Variants in NXPH1 observed in about 807,000 individuals in gnomAD.
NXPH1 encodes the protein neurexophilin 1, also known as neurexophilin-1.
Under a neutral mutation model 23.7 loss-of-function variants are expected in NXPH1, and 5 were observed. The ratio of observed to expected loss-of-function variants is 0.21; its 90% CI spans 0.11 to 0.44. The LOEUF (loss-of-function observed/expected upper bound fraction) is 0.44, where lower values mean the gene tolerates loss of function less well. Among genes scored for constraint, NXPH1 ranks in the 20% least tolerant of loss-of-function variants. The pLI is 0.99. For synonymous variants in NXPH1, 144 were observed against 122.2 expected (o/e 1.18, Z -1.18); for missense variants, 324 against 321.6 (o/e 1.01, Z -0.06).
chr7:8,737,187 T>G (rs1171833824), intron 2 of NXPH1, among the ~76,000 whole-genome samples: 1 of 152,180 alleles, frequency 6.6e-6, no homozygotes, highest in East Asian at 1.9e-4. Context: ...TGCTAGCTGG[T>G]TATTTTGCCT....
intron 2 of NXPH1, among the ~76,000 whole-genome samples, chr7:8,623,197 C>T (rs1819910351): frequency 6.6e-6 from 1 of 152,088 alleles, no homozygotes; most frequent in East Asian, 1.9e-4. Flanking sequence ...GTGCAGGGCT[C>T]TGCAGGTGCA....
At chr7:8,556,861 G>C (rs1400754600) in intron 2 of NXPH1, among the ~76,000 whole-genome samples, 1 of 151,524 alleles carries the variant, frequency 6.6e-6, no homozygotes, top group Non-Finnish European at 1.5e-5. Context: ...TGGGCTAAAG[G>C]GCTTATACAT....
rs74692006 is a variant in NXPH1, at chr7:8,442,577, T to C, written c.54+6810T>C. On this transcript the variant is annotated intron_variant, in intron 2 of 2. Transcript: ENST00000405863. This position sits in a 1 kb window ranked among gnomAD's most constrained non-coding sequence, Gnocchi z 4.6. ...TTTAAAAGGCCATTTTCCTTCGTCT[T>C]CTACAAGAAGCAAGAAACTTTTTTC... 0.011 allele frequency among the ~76,000 whole-genome samples: 1,722 copies of C among 152,348 alleles called. 28 individuals are homozygous for C. The highest frequency in any genetic ancestry group is 0.039 in the African/African-American group (1,618 of 41,576).
intron 2 of NXPH1, among the ~76,000 whole-genome samples, chr7:8,615,046 C>G (rs552986557): frequency 6.6e-6 from 1 of 152,022 alleles, no homozygotes; most frequent in Admixed American, 6.6e-5. Context: ...TAATTCTCAT[C>G]TCTTCTTTCT....
At chr7:8,728,521 T>C (rs1036028762) in intron 2 of NXPH1, among the ~76,000 whole-genome samples, 2 of 152,162 alleles carry the variant, frequency 1.3e-5, no homozygotes, top group African/African-American at 4.8e-5. Flanking sequence ...CCATCCATAC[T>C]TAATTTATTG....
At chr7:8,739,828 C>T (rs1292849815) in intron 2 of NXPH1, among the ~76,000 whole-genome samples, 1 of 152,082 alleles carries the variant, frequency 6.6e-6, no homozygotes, top group Non-Finnish European at 1.5e-5. Context: ...GCTTTTTAAA[C>T]ATTTTTAAAA....
At chr7:8,584,169 A>G (rs1818934360) in intron 2 of NXPH1, among the ~76,000 whole-genome samples, 1 of 152,198 alleles carries the variant, frequency 6.6e-6, no homozygotes, top group Non-Finnish European at 1.5e-5. Flanking sequence ...TGAGGCATGG[A>G]GAGGTGAAAC....
At chr7:8,672,947 T>C (rs1304738519) in intron 2 of NXPH1, among the ~76,000 whole-genome samples, 1 of 152,172 alleles carries the variant, frequency 6.6e-6, no homozygotes, top group African/African-American at 2.4e-5. Context: ...GAGGCAGACC[T>C]GGATTGGAAT....
At chr7:8,624,101 G>A (rs188682922) in intron 2 of NXPH1, among the ~76,000 whole-genome samples, 17 of 152,298 alleles carry the variant, frequency 1.1e-4, no homozygotes, top group Non-Finnish European at 2.2e-4. Flanking sequence ...AGCAGTGTGA[G>A]TGGAAAGGAG....
chr7:8,549,894 G>T (rs1818252371), intron 2 of NXPH1, among the ~76,000 whole-genome samples: 1 of 151,486 alleles, frequency 6.6e-6, no homozygotes, highest in African/African-American at 2.4e-5. Context: ...AACTACCATT[G>T]TTTCTCAAAT....
At chr7:8,723,996 A>C (rs554995688) in intron 2 of NXPH1, among the ~76,000 whole-genome samples, 1 of 152,356 alleles carries the variant, frequency 6.6e-6, no homozygotes, top group East Asian at 1.9e-4. Flanking sequence ...TAAGTTAATA[A>C]ATAATCAAAT....
chr7:8,627,444 C>A (rs1455449253), intron 2 of NXPH1, among the ~76,000 whole-genome samples: 1 of 152,126 alleles, frequency 6.6e-6, no homozygotes, highest in East Asian at 1.9e-4. Flanking sequence ...AAAGAAAAGA[C>A]TTCCAAGCCT....
chr7:8,743,750 C>T (rs1167498107), intron 2 of NXPH1, among the ~76,000 whole-genome samples: 2 of 148,766 alleles, frequency 1.3e-5, no homozygotes, highest in African/African-American at 5.0e-5. Flanking sequence ...GTGGCGTGAT[C>T]TTGGTTCACT....
chr7:8,579,368 T>G (rs1401568122), intron 2 of NXPH1, among the ~76,000 whole-genome samples: 2 of 124,258 alleles, frequency 1.6e-5, no homozygotes, highest in African/African-American at 8.6e-5. Context: ...TTTTTGTTTT[T>G]TTTTTTTGTT....
intron 2 of NXPH1, among the ~76,000 whole-genome samples, chr7:8,480,811 A>G (rs1009765132): frequency 2.0e-5 from 3 of 152,182 alleles, no homozygotes; most frequent in Non-Finnish European, 2.9e-5. Flanking sequence ...CTCCCCACCA[A>G]GCAATCCTGG....
intron 2 of NXPH1, among the ~76,000 whole-genome samples, chr7:8,721,805 G>A (rs1388322081): frequency 2.0e-5 from 3 of 152,150 alleles, no homozygotes; most frequent in African/African-American, 4.8e-5. Flanking sequence ...TTGTTTAAAC[G>A]ATCATCCAGT....
chr7:8,591,609 C>A (rs1819095376), intron 2 of NXPH1, among the ~76,000 whole-genome samples: 1 of 151,980 alleles, frequency 6.6e-6, no homozygotes, highest in African/African-American at 2.4e-5. Context: ...TGTTTCCATT[C>A]CATTATTTGC....
intron 2 of NXPH1, among the ~76,000 whole-genome samples, chr7:8,716,758 T>C (rs980848305): frequency 1.3e-5 from 2 of 152,198 alleles, no homozygotes; most frequent in African/African-American, 4.8e-5. Flanking sequence ...TTAACTAGTA[T>C]GTACCAGCAA....
At chr7:8,551,915 C>T (rs1818282043) in intron 2 of NXPH1, among the ~76,000 whole-genome samples, 1 of 151,384 alleles carries the variant, frequency 6.6e-6, no homozygotes, top group African/African-American at 2.4e-5. Context: ...TCAAGTAGAT[C>T]TATAGCTTTA....
Sources: allele counts gnomAD v4.1 joint callset (sites outside exome capture counted in the v4.1 genomes callset), GRCh38; gene constraint gnomAD v4.1.1; non-coding constraint Gnocchi (gnomAD v3.1); transcripts MANE v1.5; gene names NCBI Gene and HGNC (gene_info 2026-07-23, HGNC 2026-07-21).